Variants in ADAMTS20 observed in about 807,000 individuals in gnomAD.
ADAMTS20 encodes the protein ADAM metallopeptidase with thrombospondin type 1 motif 20, also known as A disintegrin and metalloproteinase with thrombospondin motifs 20.
In ADAMTS20, 225 loss-of-function variants were observed where a neutral mutation model predicts 260.1. That is an observed-to-expected ratio of 0.87 (90% CI 0.78 to 0.97). The LOEUF is 0.97. ADAMTS20 is among the 50% of genes least tolerant of loss of function. The pLI, the probability that ADAMTS20 is intolerant of heterozygous loss-of-function variation, is 0.00. For synonymous variants in ADAMTS20, 802 were observed against 769.5 expected (o/e 1.04, Z -0.70); for missense variants, 2,400 against 2,337.7 (o/e 1.03, Z -0.55).
At chr12:43,546,028 A>T (rs1166160517) in intron 2 of ADAMTS20, among the ~76,000 whole-genome samples, 1 of 152,210 alleles carries the variant, frequency 6.6e-6, no homozygotes, top group African/African-American at 2.4e-5. Context: ...TTTTCTCAAT[A>T]AGAAAAAATA....
At chr12:43,490,458 G>C (rs1331935590) in intron 6 of ADAMTS20, 23 bp from the exon 7 acceptor site, 3 of 1,243,570 alleles carry the variant, frequency 2.4e-6, no homozygotes, top group Non-Finnish European at 3.3e-6. Flanking sequence ...GATTTATTTT[G>C]AAGCATTTTT....
intron 11 of ADAMTS20, among the ~76,000 whole-genome samples, chr12:43,455,368 C>T (rs186470243): frequency 1.1e-4 from 16 of 152,188 alleles, no homozygotes; most frequent in African/African-American, 2.4e-4. Flanking sequence ...GTCAAGGTAC[C>T]GGCAGGTTTG....
At chr12:43,468,237 G>A (rs1942190574) in intron 8 of ADAMTS20, among the ~76,000 whole-genome samples, 1 of 152,188 alleles carries the variant, frequency 6.6e-6, no homozygotes, top group African/African-American at 2.4e-5. Context: ...AAATATTTGG[G>A]GGAGTCCCCC....
chr12:43,386,189 C>T (rs775581262), intron 29 of ADAMTS20, among the ~76,000 whole-genome samples: 1 of 152,152 alleles, frequency 6.6e-6, no homozygotes, highest in African/African-American at 2.4e-5. Flanking sequence ...TTCTTGTCTT[C>T]TGCTAGCTTT....
At chr12:43,495,695 A>G (rs1942668324) in intron 4 of ADAMTS20, among the ~76,000 whole-genome samples, 1 of 152,198 alleles carries the variant, frequency 6.6e-6, no homozygotes, top group Non-Finnish European at 1.5e-5. Flanking sequence ...AGAGCCAAAC[A>G]AGGCATAATC....
At chr12:43,453,843 A>C in intron 12 of ADAMTS20, 64 bp downstream of exon 12, 1 of 1,536,400 alleles carries the variant, frequency 6.5e-7, no homozygotes, top group African/African-American at 1.4e-5. Context: ...AGTGAGTGAA[A>C]CTGATGTTTA....
rs1391125651 is a variant in ADAMTS20, at chr12:43,354,201, C to G, written c.*8G>C. 1 of 1,562,082 alleles carries G rather than the reference C, an allele frequency of 6.4e-7. No homozygotes were observed. Among genetic ancestry groups the G allele is most frequent in the Non-Finnish European group, 8.7e-7 (1 of 1,147,024 alleles). On this transcript the variant is annotated 3_prime_UTR_variant, in exon 39 of 39. Coordinates refer to ENST00000389420, the MANE Select transcript of ADAMTS20 (RefSeq NM_025003.5). ...CCTCTTTAGGGCATACTTCCCCCTT[C>G]TAAATGTTCATATGACTTGAATTGG...
rs775937426 is a variant in ADAMTS20, at chr12:43,428,461, T to C, written c.3725A>G (p.Asp1242Gly). ...AACTTCAGGATCACAGTAATTCTCA[T>C]CAATTGGCTGATGGTAGTTCATGCA... is the stretch of plus-strand genomic sequence containing the variant. ...VLCMNYHQPI[D>G]ENYCDPEVRP... Residue 1242 changes from aspartate to glycine, a missense_variant, in exon 26 of 39, where the codon GAT becomes GGT. Asp to Gly is a moderately conservative substitution (Grantham distance 94). Transcript: ENST00000389420. The C allele has an allele frequency of 2.5e-6, 4 of 1,613,952 alleles. No individual in the cohort carries two copies. The highest frequency in any genetic ancestry group is 1.3e-5 in the African/African-American group (1 of 75,050).
intron 2 of ADAMTS20, among the ~76,000 whole-genome samples, chr12:43,537,393 T>G (rs1010361957): frequency 5.3e-5 from 8 of 151,948 alleles, no homozygotes; most frequent in Non-Finnish European, 8.8e-5. Flanking sequence ...ACATAGTAGG[T>G]GTATATATTT....
At chr12:43,398,616 A>G (rs1294133548) in intron 29 of ADAMTS20, among the ~76,000 whole-genome samples, 2 of 152,178 alleles carry the variant, frequency 1.3e-5, no homozygotes, top group East Asian at 3.8e-4. Flanking sequence ...GTATCATCAT[A>G]TATATTTTTC....
chr12:43,463,040 A>G, intron 10 of ADAMTS20, 41 bp from the exon 11 acceptor site: 1 of 1,322,584 alleles, frequency 7.6e-7, no homozygotes, highest in Non-Finnish European at 1.1e-6. Flanking sequence ...TGTAAAGATA[A>G]CACCACAACA....
At chr12:43,409,463 G>C (rs1281526831) in intron 28 of ADAMTS20, among the ~76,000 whole-genome samples, 1 of 149,724 alleles carries the variant, frequency 6.7e-6, no homozygotes, top group African/African-American at 2.4e-5. Context: ...TTAGCCGGGC[G>C]TAGTGGCGGG....
intron 2 of ADAMTS20, among the ~76,000 whole-genome samples, chr12:43,547,426 G>A (rs1943455181): frequency 6.6e-6 from 1 of 152,108 alleles, no homozygotes; most frequent in Non-Finnish European, 1.5e-5. Context: ...TCCACTGGGG[G>A]GTTAAAATCC....
At chr12:43,428,890 A>G in intron 24 of ADAMTS20, 91 bp from the exon 25 acceptor site, 4 of 1,239,050 alleles carry the variant, frequency 3.2e-6, no homozygotes, top group Non-Finnish European at 4.3e-6. Flanking sequence ...TTTCTAAAAC[A>G]TCCAGTTTCT....
chr12:43,452,636 G>A lies in ADAMTS20; in HGVS notation c.1820C>T (p.Thr607Ile). 1.2e-6 allele frequency: 2 copies of A among 1,612,596 alleles called. No homozygotes were observed. The highest frequency in any genetic ancestry group is 1.7e-6 in the Non-Finnish European group (2 of 1,179,264). Residue 607 changes from threonine to isoleucine, a missense_variant, in exon 13 of 39, where the codon ACT becomes ATT. By Grantham distance (89) the Thr-to-Ile change is moderately conservative (BLOSUM62 -1). Transcript: ENST00000389420. ...GRRMKFRSCN[T>I]DSCPKGTQDF... is the part of the protein sequence containing the mutation. ...TTGTGTGCCTTTTGGACATGAATCA[G>A]TATTACATGATCGAAATTTCATCCT...
chr12:43,376,829 C>A (rs1243067962), intron 32 of ADAMTS20, among the ~76,000 whole-genome samples, 176 bp from the exon 33 acceptor site: 1 of 152,150 alleles, frequency 6.6e-6, no homozygotes, highest in African/African-American at 2.4e-5. Context: ...TGGGAAAAAT[C>A]CTTAGGCATG....
chr12:43,507,326 C>T (rs1428244028), intron 3 of ADAMTS20, among the ~76,000 whole-genome samples: 1 of 152,150 alleles, frequency 6.6e-6, no homozygotes, highest in Non-Finnish European at 1.5e-5. Context: ...ACGTGGCATC[C>T]TATTCTGGGA....
intron 28 of ADAMTS20, among the ~76,000 whole-genome samples, chr12:43,409,271 T>C (rs1007135487): frequency 6.6e-6 from 1 of 151,724 alleles, no homozygotes. Context: ...TCCCATCAAG[T>C]AAAATCAAAA....
chr12:43,488,179 G>C (rs754796634), intron 7 of ADAMTS20, among the ~76,000 whole-genome samples: 1 of 152,000 alleles, frequency 6.6e-6, no homozygotes, highest in Non-Finnish European at 1.5e-5. Context: ...ATGTTAAAAA[G>C]TAATGTTTAG....
Sources: gnomAD v4.1 joint callset for allele counts (sites outside exome capture counted in the v4.1 genomes callset) on GRCh38, gnomAD v4.1.1 for gene constraint, MANE v1.5 for transcripts, NCBI Gene and HGNC (gene_info 2026-07-23, HGNC 2026-07-21) for gene names.